NBAS: variants seen among roughly 807,000 people sequenced by gnomAD.
The protein encoded by NBAS is NBAS subunit of NRZ tethering complex.
Under a neutral mutation model 302.5 loss-of-function variants are expected in NBAS, and 219 were observed. That is an observed-to-expected ratio of 0.72 (90% CI 0.65 to 0.81). NBAS has a LOEUF of 0.81. NBAS is among the 30% of genes least tolerant of loss of function. The pLI is 0.00. For synonymous variants in NBAS, 1,118 were observed against 1,021.6 expected, an observed-to-expected ratio of 1.09 and a Z score of -1.80; for missense variants, 2,932 against 2,841.6, an observed-to-expected ratio of 1.03 and a Z score of -0.72.
chr2:15,373,275 G>C (rs537052511), intron 31 of NBAS, among the ~76,000 whole-genome samples: 1 of 152,066 alleles, frequency 6.6e-6, no homozygotes, highest in Non-Finnish European at 1.5e-5. Flanking sequence ...TTATAATCAC[G>C]TACAAATTGT....
chr2:15,196,642 G>C (rs931590430), intron 48 of NBAS, among the ~76,000 whole-genome samples: 1 of 152,050 alleles, frequency 6.6e-6, no homozygotes, highest in African/African-American at 2.4e-5. Flanking sequence ...ACAATTTGAG[G>C]GGAAAAATCC....
intron 41 of NBAS, among the ~76,000 whole-genome samples, chr2:15,291,549 C>T (rs1044577557): frequency 2.6e-5 from 4 of 152,188 alleles, no homozygotes; most frequent in African/African-American, 9.7e-5. Context: ...CAAACACCAG[C>T]ACTAAAACCA....
chr2:14,847,757 T>C, the NBAS span, among the ~76,000 whole-genome samples: 4 of 152,194 alleles, frequency 2.6e-5, no homozygotes, highest in African/African-American at 9.6e-5. Flanking sequence ...AACATCTGAC[T>C]TAATCTGCAC....
intron 10 of NBAS, among the ~76,000 whole-genome samples, chr2:15,507,872 AT>A (rs142781692): frequency 0.048 from 7,257 of 152,326 alleles, 245 homozygotes; most frequent in Non-Finnish European, 0.068. Context: ...ACTTGGGTCA[AT>A]ACACATATTG....
chr2:14,779,853 A>G, the NBAS span, among the ~76,000 whole-genome samples: 2 of 152,192 alleles, frequency 1.3e-5, no homozygotes, highest in African/African-American at 4.8e-5. Flanking sequence ...GATATTTTAA[A>G]AGATTTTTCA....
chr2:14,895,671 T>C, the NBAS span, among the ~76,000 whole-genome samples: 2,048 of 147,818 alleles, frequency 0.014, 40 homozygotes, highest in African/African-American at 0.047. Flanking sequence ...ACCCGGGAGG[T>C]GGAGCTTGCA....
the NBAS span, among the ~76,000 whole-genome samples, chr2:14,975,082 C>T: frequency 2.6e-5 from 4 of 152,128 alleles, no homozygotes; most frequent in African/African-American, 9.7e-5. Context: ...GTCGGTCCTC[C>T]AACCTCACAG....
chr2:15,330,713 G>T lies in NBAS; in HGVS notation c.4232C>A (p.Thr1411Asn). The T allele has an allele frequency of 6.2e-7, 1 of 1,614,092 alleles. No homozygotes were observed. Among genetic ancestry groups the T allele is most frequent in the Non-Finnish European group, 8.5e-7 (1 of 1,179,964 alleles). ...GGAAAGGACTTTCATGGTGGTAGCA[G>T]TGGTCCAGCGCAATAGGTCAGCTGA... Reference protein sequence around the residue: ...SNSADLLRWTTATTMKVLSNT... With the variant: ...SNSADLLRWTNATTMKVLSNT... The change falls in exon 36 of 52, where the codon ACT becomes AAT. Residue 1411 changes from threonine (T) to asparagine (N), a missense_variant. Coordinates refer to ENST00000281513, the MANE Select transcript of NBAS (RefSeq NM_015909.4).
At chr2:14,798,426 A>G in the NBAS span, among the ~76,000 whole-genome samples, 1 of 151,924 alleles carries the variant, frequency 6.6e-6, no homozygotes, top group Non-Finnish European at 1.5e-5. Context: ...CGTAGAAAAA[A>G]CTCCACTTGT....
the NBAS span, among the ~76,000 whole-genome samples, chr2:15,112,359 AG>A: frequency 2.0e-5 from 3 of 152,130 alleles, no homozygotes; most frequent in African/African-American, 7.2e-5. Flanking sequence ...TTAAACATAA[AG>A]GATTGTGAAA....
the NBAS span, among the ~76,000 whole-genome samples, chr2:15,051,511 C>G: frequency 2.6e-5 from 4 of 152,176 alleles, no homozygotes; most frequent in Non-Finnish European, 4.4e-5. Context: ...CCTAACCCTC[C>G]AAGGGCCTCA....
chr2:14,928,499 A>G, the NBAS span, among the ~76,000 whole-genome samples: 1 of 152,214 alleles, frequency 6.6e-6, no homozygotes, highest in South Asian at 2.1e-4. Flanking sequence ...TAGTCATATA[A>G]TATAAATACA....
chr2:14,808,178 C>T, the NBAS span, among the ~76,000 whole-genome samples: 1 of 152,108 alleles, frequency 6.6e-6, no homozygotes, highest in Non-Finnish European at 1.5e-5. Context: ...ATTATTTTCC[C>T]CATTTCTATT....
At chr2:14,967,954 G>A in the NBAS span, among the ~76,000 whole-genome samples, 8 of 152,124 alleles carry the variant, frequency 5.3e-5, no homozygotes, top group Non-Finnish European at 8.8e-5. Flanking sequence ...GCACTGGCAA[G>A]AGTTAAAACA....
At chr2:15,125,433 T>C in the NBAS span, among the ~76,000 whole-genome samples, 825 of 152,252 alleles carry the variant, frequency 5.4e-3, 8 homozygotes, top group African/African-American at 0.017. Flanking sequence ...ACTTACTCAC[T>C]ATCACGAGGA....
At chr2:14,825,723 A>C in the NBAS span, among the ~76,000 whole-genome samples, 1 of 152,204 alleles carries the variant, frequency 6.6e-6, no homozygotes, top group South Asian at 2.1e-4. Flanking sequence ...CTCTCCAAGA[A>C]ATTTGTTAAA....
the NBAS span, among the ~76,000 whole-genome samples, chr2:14,883,560 C>A: frequency 1.3e-5 from 2 of 152,038 alleles, no homozygotes; most frequent in Non-Finnish European, 2.9e-5. Flanking sequence ...AAAATTGTGG[C>A]CAAAATCACT....
the NBAS span, among the ~76,000 whole-genome samples, chr2:14,927,015 C>T: frequency 1.3e-5 from 2 of 152,324 alleles, no homozygotes; most frequent in East Asian, 3.9e-4. Context: ...TACAGCTGGG[C>T]CTCATCCAAT....
At chr2:14,804,583 T>C in the NBAS span, among the ~76,000 whole-genome samples, 1 of 152,216 alleles carries the variant, frequency 6.6e-6, no homozygotes, top group African/African-American at 2.4e-5. Context: ...CCTATATTTA[T>C]CCTAGAAGCA....
Sources: gnomAD v4.1 joint callset for allele counts (sites outside exome capture counted in the v4.1 genomes callset) on GRCh38, gnomAD v4.1.1 for gene constraint, MANE v1.5 for transcripts, NCBI Gene and HGNC (gene_info 2026-07-23, HGNC 2026-07-21) for gene names.